The following SND1 variants were observed in gnomAD, a reference collection of about 807,000 sequenced individuals.
SND1 encodes the protein staphylococcal nuclease and tudor domain containing 1.
Under a neutral mutation model 121.7 loss-of-function variants are expected in SND1, and 38 were observed. That is an observed-to-expected ratio of 0.31 (90% CI 0.24 to 0.41). SND1 has a LOEUF of 0.41. Ranked by LOEUF, SND1 falls within the 10% of genes least tolerant of loss-of-function variation. The pLI, the probability that SND1 is intolerant of heterozygous loss-of-function variation, is 1.00. For synonymous variants in SND1, 401 were observed against 447.4 expected (o/e 0.90, Z 1.31); for missense variants, 868 against 1,184.6 (o/e 0.73, Z 3.92).
intron 16 of SND1, among the ~76,000 whole-genome samples, chr7:128,043,262 TA>T (rs1792887175): frequency 6.6e-6 from 1 of 152,154 alleles, no homozygotes; most frequent in Non-Finnish European, 1.5e-5. Context: ...TTTGCCAAAT[TA>T]AAACCCTCCT....
chr7:127,663,760 T>C (rs770336650), intron 1 of SND1, among the ~76,000 whole-genome samples: 5 of 152,150 alleles, frequency 3.3e-5, no homozygotes, highest in Non-Finnish European at 4.4e-5. Flanking sequence ...TAGATCCTTT[T>C]TGGCTTTGTT....
At chr7:127,935,198 A>G (rs1801034903) in intron 15 of SND1, among the ~76,000 whole-genome samples, 1 of 152,210 alleles carries the variant, frequency 6.6e-6, no homozygotes, top group Non-Finnish European at 1.5e-5. Flanking sequence ...TAGTAAGTAC[A>G]GATTGCACTT....
chr7:127,737,877 C>T (rs1796806042), intron 10 of SND1, among the ~76,000 whole-genome samples: 1 of 152,174 alleles, frequency 6.6e-6, no homozygotes, highest in Non-Finnish European at 1.5e-5. Flanking sequence ...CTCAAATACA[C>T]TTTAAGGCAA....
intron 16 of SND1, among the ~76,000 whole-genome samples, chr7:128,054,705 C>T (rs1181923475): frequency 6.6e-6 from 1 of 152,168 alleles, no homozygotes; most frequent in Non-Finnish European, 1.5e-5. Flanking sequence ...TAATGAGCCT[C>T]GGCTTTTCTC....
At chr7:127,972,466 C>T (rs186780692) in intron 15 of SND1, among the ~76,000 whole-genome samples, 6 of 152,300 alleles carry the variant, frequency 3.9e-5, no homozygotes, top group Admixed American at 3.3e-4. Flanking sequence ...CCATGTTGGC[C>T]AGGCTGGTCT....
chr7:127,817,875 C>T (rs956322760), intron 11 of SND1, among the ~76,000 whole-genome samples: 1 of 152,042 alleles, frequency 6.6e-6, no homozygotes, highest in African/African-American at 2.4e-5. Flanking sequence ...TTCCTCCCCA[C>T]CCCTATAGGG....
At chr7:127,849,321 C>T (rs1289022832) in intron 12 of SND1, among the ~76,000 whole-genome samples, 2 of 152,170 alleles carry the variant, frequency 1.3e-5, no homozygotes, top group African/African-American at 2.4e-5. Context: ...GTGACCTTTC[C>T]CTGTGCTGGA....
chr7:127,668,458 A>G (rs2116255760), intron 1 of SND1, among the ~76,000 whole-genome samples: 1 of 152,352 alleles, frequency 6.6e-6, no homozygotes, highest in South Asian at 2.1e-4. Flanking sequence ...CTTCCTGTCT[A>G]TGCTGGATGT....
intron 3 of SND1, among the ~76,000 whole-genome samples, chr7:127,698,530 T>G (rs937318336): frequency 6.6e-6 from 1 of 152,164 alleles, no homozygotes; most frequent in African/African-American, 2.4e-5. Context: ...AGGCTTCTAT[T>G]CCTCCAGTCA....
At chr7:127,982,158 C>T (rs184340813) in intron 15 of SND1, among the ~76,000 whole-genome samples, 19 of 152,290 alleles carry the variant, frequency 1.2e-4, no homozygotes, top group Admixed American at 2.6e-4. Flanking sequence ...AGCCAAGCAC[C>T]GCACTTCCTG....
intron 12 of SND1, among the ~76,000 whole-genome samples, chr7:127,869,770 T>G (rs977590158): frequency 6.6e-6 from 1 of 152,160 alleles, no homozygotes; most frequent in Non-Finnish European, 1.5e-5. Context: ...GGTAGAAAAT[T>G]ATTCAGTCAT....
chr7:127,879,898 A>G (rs1799758218), intron 12 of SND1, among the ~76,000 whole-genome samples: 1 of 152,196 alleles, frequency 6.6e-6, no homozygotes, highest in Non-Finnish European at 1.5e-5. Flanking sequence ...CATAAAGAAT[A>G]TGTAATAAAT....
intron 13 of SND1, among the ~76,000 whole-genome samples, chr7:127,896,652 G>A (rs1468189966): frequency 6.6e-6 from 1 of 152,032 alleles, no homozygotes; most frequent in Non-Finnish European, 1.5e-5. Context: ...TTACAGTCGT[G>A]GTTATAAGTA....
At chr7:127,914,366 T>A (rs915106446) in intron 14 of SND1, among the ~76,000 whole-genome samples, 2 of 152,218 alleles carry the variant, frequency 1.3e-5, no homozygotes, top group Non-Finnish European at 2.9e-5. Flanking sequence ...GGCCATGCCT[T>A]CTTCCCTGGC....
intron 12 of SND1, among the ~76,000 whole-genome samples, chr7:127,854,073 C>G (rs1799223217): frequency 6.6e-6 from 1 of 152,166 alleles, no homozygotes; most frequent in South Asian, 2.1e-4. Flanking sequence ...TGATGTGCTG[C>G]TAACACACAT....
At chr7:127,908,739 T>C (rs1264871185) in intron 14 of SND1, among the ~76,000 whole-genome samples, 2 of 152,182 alleles carry the variant, frequency 1.3e-5, no homozygotes, top group Non-Finnish European at 2.9e-5. Flanking sequence ...CTCACCAGCA[T>C]AGAAAAAATT....
At chr7:127,776,038 G>A (rs1797614544) in intron 10 of SND1, among the ~76,000 whole-genome samples, 1 of 152,152 alleles carries the variant, frequency 6.6e-6, no homozygotes, top group South Asian at 2.1e-4. Context: ...TTCATTTTTA[G>A]AGATGATTAA....
In SND1 at chr7:128,085,219, C is replaced by A. The variant is rs545800726; in HGVS notation, c.2234+372C>A. 1.3e-5 allele frequency among the ~76,000 whole-genome samples: 2 copies of A among 152,300 alleles called. No individual in the cohort carries two copies. The highest frequency in any genetic ancestry group is 2.9e-5 in the Non-Finnish European group (2 of 68,016). ...CTGGGCTACAGTAAGCCTAAACCAG[C>A]TGCCCGACCCTCTTCCCCGGCTGTC... On this transcript the variant is annotated intron_variant, in intron 19 of 23. Coordinates refer to ENST00000354725, the MANE Select transcript of SND1 (RefSeq NM_014390.4). The surrounding 1 kb of genome is among the most constrained non-coding windows in gnomAD (Gnocchi z 4.4).
chr7:127,857,445 C>T (rs762990310), intron 12 of SND1, among the ~76,000 whole-genome samples: 4 of 150,046 alleles, frequency 2.7e-5, no homozygotes, highest in African/African-American at 7.3e-5. Flanking sequence ...CCTCGTGATC[C>T]GCCCGCCTCG....
Sources: allele counts gnomAD v4.1 joint callset (sites outside exome capture counted in the v4.1 genomes callset), GRCh38; gene constraint gnomAD v4.1.1; non-coding constraint Gnocchi (gnomAD v3.1); transcripts MANE v1.5; gene names NCBI Gene and HGNC (gene_info 2026-07-23, HGNC 2026-07-21).